ADGRV1: variants seen among roughly 807,000 people sequenced by gnomAD.
ADGRV1 encodes the protein G-protein coupled receptor 98.
In ADGRV1, 359 loss-of-function variants were observed where a neutral mutation model predicts 596.2. The ratio of observed to expected loss-of-function variants is 0.60; its 90% CI spans 0.55 to 0.66. The LOEUF (loss-of-function observed/expected upper bound fraction) is 0.66. Among genes scored for constraint, ADGRV1 ranks in the 30% least tolerant of loss-of-function variants. ADGRV1 has a pLI of 0.00. For synonymous variants in ADGRV1, 2,681 were observed against 2,679.2 expected (o/e 1.00, Z -0.02); for missense variants, 7,274 against 7,575.6 (o/e 0.96, Z 1.48).
At chr5:90,672,288 A>G (rs1248033962) in intron 21 of ADGRV1, among the ~76,000 whole-genome samples, 1 of 152,202 alleles carries the variant, frequency 6.6e-6, no homozygotes, top group Non-Finnish European at 1.5e-5. Flanking sequence ...CAATGAATGA[A>G]TTACTTGTGC....
chr5:90,713,076 T>A (rs949146194), intron 42 of ADGRV1, among the ~76,000 whole-genome samples: 7 of 152,138 alleles, frequency 4.6e-5, no homozygotes, highest in African/African-American at 1.7e-4. Flanking sequence ...CTTCCGTTCA[T>A]TCTGATGATA....
chr5:90,986,380 A>T (rs1263283364), intron 85 of ADGRV1, among the ~76,000 whole-genome samples: 1 of 152,036 alleles, frequency 6.6e-6, no homozygotes, highest in Non-Finnish European at 1.5e-5. Context: ...AAAAATATTG[A>T]AAGTTAAAGT....
chr5:90,649,547 G>A (rs1331981944), intron 17 of ADGRV1, among the ~76,000 whole-genome samples: 1 of 151,938 alleles, frequency 6.6e-6, no homozygotes, highest in Non-Finnish European at 1.5e-5. Flanking sequence ...GGAGTGCAGT[G>A]GTGTGATCTC....
Position 90,815,652 on chromosome 5 carries a change from G to A in ADGRV1, c.16112G>A (p.Ser5371Asn). The A allele has an allele frequency of 6.3e-7, 1 of 1,577,232 alleles. No homozygotes were observed. The highest frequency in any genetic ancestry group is 8.6e-7 in the Non-Finnish European group (1 of 1,159,976). ...SDLHNGIIGF[S>N]EESQSGLELR... ...CTTCACAATGGCATCATAGGATTCAGTGAGGAGTCCCAGAGTGGACTAGAA... is the reference window on the plus strand; with the variant it reads ...CTTCACAATGGCATCATAGGATTCAATGAGGAGTCCCAGAGTGGACTAGAA... The change falls in exon 75 of 90, where the codon AGT becomes AAT. Residue 5371 changes from serine to asparagine, a missense_variant. Transcript: ENST00000405460.
chr5:90,840,760 C>G lies in ADGRV1; in HGVS notation c.16794C>G (p.Val5598=), dbSNP rs774094968. ...CATTTCCTAAACGCTTCCAGATTGT[C>G]CTTTTTGACCCAAAAGGTGGTGCCA... is the stretch of plus-strand genomic sequence containing the variant. The part of the protein sequence containing the change: ...LNSFPKRFQI[V]LFDPKGGARI... Residue 5598 remains valine (V), a synonymous_variant, in exon 78 of 90, where the codon GTC becomes GTG. Coordinates refer to ENST00000405460, the MANE Select transcript of ADGRV1 (RefSeq NM_032119.4). 1 of 1,613,984 alleles carries G rather than the reference C, an allele frequency of 6.2e-7. No homozygotes were observed. Among genetic ancestry groups the G allele is most frequent in the East Asian group, 2.2e-5 (1 of 44,880 alleles).
intron 87 of ADGRV1, among the ~76,000 whole-genome samples, chr5:91,131,979 G>A (rs574488244): frequency 1.6e-4 from 25 of 152,264 alleles, no homozygotes; most frequent in Admixed American, 6.5e-4. Context: ...TGTATATGGT[G>A]AGAGTTAGGA....
intron 74 of ADGRV1, among the ~76,000 whole-genome samples, chr5:90,814,712 C>A (rs1762743046): frequency 6.6e-6 from 1 of 152,150 alleles, no homozygotes; most frequent in South Asian, 2.1e-4. Flanking sequence ...ACATGCAAAA[C>A]TGTGAATCAA....
At chr5:91,021,329 C>A (rs1056468913) in intron 85 of ADGRV1, among the ~76,000 whole-genome samples, 1 of 152,070 alleles carries the variant, frequency 6.6e-6, no homozygotes, top group Non-Finnish European at 1.5e-5. Flanking sequence ...CTATACGGGG[C>A]CTAGCCTACT....
At chr5:90,753,868 G>C in intron 54 of ADGRV1, 39 bp downstream of exon 54, 1 of 1,499,384 alleles carries the variant, frequency 6.7e-7, no homozygotes, top group Admixed American at 2.1e-5. Flanking sequence ...TTAATGAGAA[G>C]CTTCATTGGA....
chr5:90,939,667 A>T (rs1032858195), intron 83 of ADGRV1, among the ~76,000 whole-genome samples: 3 of 152,216 alleles, frequency 2.0e-5, no homozygotes, highest in African/African-American at 7.2e-5. Flanking sequence ...ATTCATAAAC[A>T]ACCTTTTAGG....
chr5:90,843,576 A>T (rs1433816343), intron 78 of ADGRV1, among the ~76,000 whole-genome samples: 1 of 152,236 alleles, frequency 6.6e-6, no homozygotes, highest in African/African-American at 2.4e-5. Context: ...TGGATCAGTC[A>T]TTTCATCGTT....
intron 83 of ADGRV1, among the ~76,000 whole-genome samples, chr5:90,865,013 G>C (rs1465770360): frequency 1.3e-5 from 2 of 152,036 alleles, no homozygotes; most frequent in African/African-American, 4.8e-5. Flanking sequence ...ATATAAAATG[G>C]AAAATTATCT....
chr5:90,941,307 A>C (rs1561975568), intron 83 of ADGRV1, among the ~76,000 whole-genome samples: 1 of 152,208 alleles, frequency 6.6e-6, no homozygotes, highest in African/African-American at 2.4e-5. Flanking sequence ...GTTACAAAAG[A>C]CTTTCTTAAG....
At chr5:90,808,546 A>G (rs1231818641) in intron 73 of ADGRV1, among the ~76,000 whole-genome samples, 1 of 152,184 alleles carries the variant, frequency 6.6e-6, no homozygotes, top group African/African-American at 2.4e-5. Context: ...TCCAGAGAAC[A>G]TATTTTAGGG....
intron 59 of ADGRV1, among the ~76,000 whole-genome samples, chr5:90,764,521 T>A (rs1399619019): frequency 1.3e-5 from 2 of 152,194 alleles, no homozygotes; most frequent in Non-Finnish European, 2.9e-5. Context: ...GGGAGATGAC[T>A]CCCTCTCTAC....
intron 85 of ADGRV1, among the ~76,000 whole-genome samples, chr5:90,994,487 C>T (rs768754333): frequency 5.9e-5 from 9 of 152,076 alleles, no homozygotes; most frequent in Non-Finnish European, 1.0e-4. Context: ...GACATAGTTT[C>T]TTTTATGTTT....
rs775651692 is a variant in ADGRV1, at chr5:90,684,170, A to G, written c.6249A>G (p.Leu2083=). Residue 2083 remains leucine (L), a synonymous_variant, in exon 28 of 90, where the codon TTA becomes TTG. Transcript: ENST00000405460. ...SVFIELLNST[L]VAKVQSRSIP... is the part of the protein sequence containing the mutation. The stretch of plus-strand genomic sequence containing the variant: ...TTATCGAACTACTCAACTCTACTTT[A>G]GTAGCGAAAGTACAGAGTCGTTCAA... 1.9e-6 allele frequency: 3 copies of G among 1,612,848 alleles called. No homozygotes were observed. The South Asian group carries it at 3.3e-5, about 18-fold the overall frequency.
chr5:90,865,382 G>T (rs1374790231), intron 83 of ADGRV1, among the ~76,000 whole-genome samples: 1 of 152,130 alleles, frequency 6.6e-6, no homozygotes, highest in African/African-American at 2.4e-5. Context: ...CTTAATTATA[G>T]CACTATAGAA....
At chr5:90,936,293 C>T (rs1037578373) in intron 83 of ADGRV1, among the ~76,000 whole-genome samples, 2 of 151,832 alleles carry the variant, frequency 1.3e-5, no homozygotes, top group Non-Finnish European at 2.9e-5. Flanking sequence ...TCTCCTCTCT[C>T]ACACACACAC....
Sources: allele counts gnomAD v4.1 joint callset (sites outside exome capture counted in the v4.1 genomes callset), GRCh38; gene constraint gnomAD v4.1.1; transcripts MANE v1.5; gene names NCBI Gene and HGNC (gene_info 2026-07-23, HGNC 2026-07-21).